The following CFAP74 variants were observed in gnomAD, a reference collection of about 807,000 sequenced individuals.
CFAP74 encodes the protein cilia- and flagella-associated protein 74.
CFAP74 carries 124 observed loss-of-function variants against 188.9 expected under a neutral mutation model. The observed-to-expected ratio is 0.66, with a 90% CI of 0.57 to 0.76. The LOEUF (loss-of-function observed/expected upper bound fraction) is 0.76. Ranked by LOEUF, CFAP74 falls within the 30% of genes least tolerant of loss-of-function variation. CFAP74 has a pLI of 0.00. For synonymous variants in CFAP74, 956 were observed against 916.7 expected (o/e 1.04, Z -0.77); for missense variants, 2,198 against 2,165.2 (o/e 1.02, Z -0.30).
intron 14 of CFAP74, among the ~76,000 whole-genome samples, chr1:1,961,507 G>T (rs748442473): frequency 1.6e-4 from 24 of 152,062 alleles, no homozygotes; most frequent in Non-Finnish European, 3.1e-4. Flanking sequence ...GAAAATAACC[G>T]TCCATGAGAA....
At chr1:1,930,480 C>T (rs1179132204) in intron 25 of CFAP74, 144 bp from the exon 26 acceptor site, 5 of 772,802 alleles carry the variant, frequency 6.5e-6, no homozygotes, top group Non-Finnish European at 9.8e-6. Flanking sequence ...GGGGTCACTG[C>T]GCCGCTGACA....
At chr1:1,927,474 T>C (rs1482158437) in intron 28 of CFAP74, 133 bp downstream of exon 28, 18 of 872,608 alleles carry the variant, frequency 2.1e-5, no homozygotes, top group Non-Finnish European at 2.7e-5. Flanking sequence ...CAGCTGTGTC[T>C]GAAGGCATCA....
rs750722680 is a variant in CFAP74 at position 1,922,734 on chromosome 1, T to C, written c.4684-11A>G. On this transcript the variant is annotated splice_polypyrimidine_tract_variant and intron_variant, in intron 37 of 38. Transcript: ENST00000682832. ...GCTGAACTCAACGGTCTGTGGGGTA[T>C]GGGGCTCCTGTAGGCTGGCGACCAG... 3.7e-6 allele frequency: 6 copies of C among 1,601,370 alleles called. No individual in the cohort carries two copies. The South Asian group carries it at 5.6e-5, about 15-fold the overall frequency.
rs1254422081 is a variant in CFAP74, at chr1:1,970,954, T to C, written c.889-138A>G. ...GCACACACACATGCACACCTGCACA[T>C]GCACACATCACACATGCACACCTGC... On this transcript the variant is annotated intron_variant, in intron 9 of 38. Transcript: ENST00000682832. 4.8e-5 allele frequency: 48 copies of C among 995,636 alleles called. 1 individual carries two copies. The highest frequency in any genetic ancestry group is 5.1e-4 in the Middle Eastern group (2 of 3,904). The allele number at this position is 995,636 out of a possible 1,614,324, so 61.7% of individuals were successfully genotyped here.
At chr1:1,954,169 CCA>C (rs1654377267) in intron 18 of CFAP74, 1 of 152,294 alleles carries the variant, frequency 6.6e-6, no homozygotes, top group Non-Finnish European at 1.5e-5. Flanking sequence ...TGCAGGCCCC[CCA>C]GACAAGCAGC....
At chr1:1,983,079 T>C (rs975989331) in intron 6 of CFAP74, among the ~76,000 whole-genome samples, 2 of 152,218 alleles carry the variant, frequency 1.3e-5, no homozygotes, top group South Asian at 4.2e-4. Context: ...CCAATCCTGA[T>C]GGGCCGGATC....
chr1:1,958,674 A>G (rs974202960), intron 16 of CFAP74, among the ~76,000 whole-genome samples: 1 of 150,006 alleles, frequency 6.7e-6, no homozygotes, highest in African/African-American at 2.5e-5. Context: ...GGACCAAGCA[A>G]AGGTGTCCGA....
chr1:1,928,331 G>C (rs1041028686), intron 27 of CFAP74, among the ~76,000 whole-genome samples: 1 of 152,140 alleles, frequency 6.6e-6, no homozygotes, highest in African/African-American at 2.4e-5. Context: ...GAGGAAGCCA[G>C]GCCGGGAAGG....
At position 1,922,210 on chromosome 1, in the gene CFAP74, G is replaced by A; in HGVS notation, c.*77C>T. On this transcript the variant is annotated 3_prime_UTR_variant, in exon 39 of 39. Transcript: ENST00000682832. ...GGATGGCCAGGTCCCAGGCTCTAGG[G>A]TAGTATGACCTGGCCCTCAGCCTGG... 3.7e-6 allele frequency: 4 copies of A among 1,076,530 alleles called. No homozygotes were observed. Among genetic ancestry groups the A allele is most frequent in the Non-Finnish European group, 5.6e-6 (4 of 713,380 alleles). 66.7% of individuals were successfully genotyped at this position (1,076,530 alleles called of 1,614,324 possible). A position where few individuals can be genotyped will look rare whatever the true frequency, so the allele number is the denominator to read the frequency against.
At chr1:1,965,772 C>G (rs909175912) in intron 12 of CFAP74, among the ~76,000 whole-genome samples, 2 of 152,208 alleles carry the variant, frequency 1.3e-5, no homozygotes, top group African/African-American at 4.8e-5. Context: ...CTGGTCAGCC[C>G]GGCATCCCCA....
At position 1,942,786 on chromosome 1, in the gene CFAP74, G is replaced by T. The variant is rs149771461; in HGVS notation, c.2487-630C>A. ...AAGCCTCCCTCCCCTCCCCCGTCTT[G>T]GAGCCTCTGCTAAACAGTGTTGTGG... On this transcript the variant is annotated intron_variant, in intron 21 of 38. Coordinates refer to ENST00000682832, the MANE Select transcript of CFAP74 (RefSeq NM_001304360.2). The surrounding 1 kb of genome is among the most constrained non-coding windows in gnomAD (Gnocchi z 4.3). 0.011 allele frequency among the ~76,000 whole-genome samples: 1,686 copies of T among 152,242 alleles called. 31 individuals carry two copies. Among genetic ancestry groups the T allele is most frequent in the African/African-American group, 0.038 (1,598 of 41,522 alleles).
intron 14 of CFAP74, among the ~76,000 whole-genome samples, chr1:1,962,088 A>C (rs1405937394): frequency 6.6e-6 from 1 of 152,216 alleles, no homozygotes; most frequent in Non-Finnish European, 1.5e-5. Flanking sequence ...CTGAACTGGG[A>C]ATCCGAAAGC....
rs750884636 is a variant in CFAP74 at position 1,990,972 on chromosome 1, T to C, written c.-16A>G. Reference sequence around the variant, plus strand: ...CATCCTCCATGCTGGGAGATAGAAATTAGCTGCAAAAGATGATCGCAAAAT... The same window carrying C: ...CATCCTCCATGCTGGGAGATAGAAACTAGCTGCAAAAGATGATCGCAAAAT... On this transcript the variant is annotated 5_prime_UTR_variant, in exon 2 of 39. Coordinates refer to ENST00000682832, the MANE Select transcript of CFAP74 (RefSeq NM_001304360.2). 1.2e-6 allele frequency: 2 copies of C among 1,602,082 alleles called. No homozygotes were observed. Among genetic ancestry groups the C allele is most frequent in the African/African-American group, 2.7e-5 (2 of 74,382 alleles).
chr1:1,971,341 G>C (rs372803055), intron 9 of CFAP74, among the ~76,000 whole-genome samples: 8 of 138,462 alleles, frequency 5.8e-5, no homozygotes, highest in South Asian at 2.4e-4. Context: ...CTGCACACAC[G>C]TGCACACACA....
chr1:1,974,535 A>G (rs1570955126), intron 6 of CFAP74, among the ~76,000 whole-genome samples: 1 of 152,142 alleles, frequency 6.6e-6, no homozygotes, highest in African/African-American at 2.4e-5. Context: ...TCAGGAAGGG[A>G]CAGCCGTGAC....
intron 4 of CFAP74, among the ~76,000 whole-genome samples, 171 bp from the exon 5 acceptor site, chr1:1,987,206 G>A (rs955220012): frequency 2.0e-5 from 3 of 152,220 alleles, no homozygotes; most frequent in Non-Finnish European, 4.4e-5. Context: ...GGGTCTTGTC[G>A]TCCATTTTTG....
intron 33 of CFAP74, among the ~76,000 whole-genome samples, chr1:1,925,272 G>A (rs1396455711): frequency 3.4e-5 from 5 of 147,256 alleles, no homozygotes; most frequent in African/African-American, 1.1e-4. Context: ...GCGAAGGCAC[G>A]AGGGCACACG....
chr1:1,943,160 A>C (rs1653504955), intron 21 of CFAP74, among the ~76,000 whole-genome samples: 1 of 152,156 alleles, frequency 6.6e-6, no homozygotes, highest in East Asian at 1.9e-4. Flanking sequence ...TGAGGTACAC[A>C]CAACCACAGC....
In CFAP74 at chr1:1,942,206, G is replaced by A. The variant is rs1052277066; in HGVS notation, c.2487-50C>T. On this transcript the variant is annotated intron_variant, in intron 21 of 38. Coordinates refer to ENST00000682832, the MANE Select transcript of CFAP74 (RefSeq NM_001304360.2). The surrounding 1 kb of genome is among the most constrained non-coding windows in gnomAD (Gnocchi z 4.3). ...GGTCAGGTGCCACAGTCGTGATTCT[G>A]TGTGCGCTCAATGCCTGGAGTTATT... is the stretch of plus-strand genomic sequence containing the variant. 1 of 1,423,036 alleles carries A rather than the reference G, an allele frequency of 7.0e-7. No homozygotes were observed. The highest frequency in any genetic ancestry group is 9.2e-7 in the Non-Finnish European group (1 of 1,088,928). The allele number at this position is 1,423,036 out of a possible 1,614,324, so 88.2% of individuals were successfully genotyped here. A position where few individuals can be genotyped will look rare whatever the true frequency, so the allele number is the denominator to read the frequency against.
Sources: gnomAD v4.1 joint callset for allele counts (sites outside exome capture counted in the v4.1 genomes callset) on GRCh38, gnomAD v4.1.1 for gene constraint, Gnocchi (gnomAD v3.1) non-coding constraint, MANE v1.5 for transcripts, NCBI Gene and HGNC (gene_info 2026-07-23, HGNC 2026-07-21) for gene names.